AKAP11: variants seen among roughly 807,000 people sequenced by gnomAD.
AKAP11 encodes the protein A-kinase anchoring protein 11.
A neutral mutation model predicts 146.1 loss-of-function variants in AKAP11; 36 were observed. That is an observed-to-expected ratio of 0.25 (90% CI 0.19 to 0.33). The LOEUF is 0.33. AKAP11 is among the 10% of genes least tolerant of loss of function. The probability of loss-of-function intolerance (pLI) is 1.00; values close to 1 mark genes in which losing one functional copy is unlikely to be tolerated. For missense variants in AKAP11, 2,201 were observed against 2,197.0 expected, an observed-to-expected ratio of 1.00 and a Z score of -0.04; for synonymous variants, 780 against 786.5, an observed-to-expected ratio of 0.99 and a Z score of 0.14.
At chr13:42,273,557 G>A (rs1032325240) in intron 1 of AKAP11, among the ~76,000 whole-genome samples, 3 of 152,140 alleles carry the variant, frequency 2.0e-5, no homozygotes, top group African/African-American at 7.2e-5. Flanking sequence ...CTGAGCTAGA[G>A]ACTAATGTAT....
At chr13:42,277,888 G>A (rs1958965760) in intron 1 of AKAP11, among the ~76,000 whole-genome samples, 1 of 152,218 alleles carries the variant, frequency 6.6e-6, no homozygotes, top group African/African-American at 2.4e-5. Flanking sequence ...AGTACTTACA[G>A]TCCAGTGCAG....
At position 42,318,960 on chromosome 13, in the gene AKAP11, A is replaced by G. The variant is rs577706742; in HGVS notation, c.5566-128A>G. 5 of 1,149,056 alleles carry G rather than the reference A, an allele frequency of 4.4e-6. No individual in the cohort carries two copies. The African/African-American group carries it at 6.3e-5, about 15-fold the overall frequency. The allele number at this position is 1,149,056 out of a possible 1,614,324, so 71.2% of individuals were successfully genotyped here. On this transcript the variant is annotated intron_variant, in intron 12 of 12. Transcript: ENST00000025301. ...GCGGTTTAGAGGGGAAGACCTTGTT[A>G]TAACTAGGAAACGGTATTTAATTGT...
At chr13:42,295,978 A>G (rs912152818) in intron 5 of AKAP11, among the ~76,000 whole-genome samples, 2 of 152,226 alleles carry the variant, frequency 1.3e-5, no homozygotes, top group African/African-American at 4.8e-5. Flanking sequence ...TTTAAAAGGT[A>G]AGATTTGTAA....
At chr13:42,291,923 A>T (rs1959226717) in intron 3 of AKAP11, among the ~76,000 whole-genome samples, 1 of 152,152 alleles carries the variant, frequency 6.6e-6, no homozygotes, top group Non-Finnish European at 1.5e-5. Context: ...TTGGATTATT[A>T]TCTTATTTTT....
At chr13:42,276,948 G>T (rs1408868879) in intron 1 of AKAP11, among the ~76,000 whole-genome samples, 1 of 152,186 alleles carries the variant, frequency 6.6e-6, no homozygotes, top group African/African-American at 2.4e-5. Flanking sequence ...CATATTTTCT[G>T]TTAGAAATAG....
rs1250159930 is a variant in AKAP11 at position 42,320,972 on chromosome 13, G to C, written c.*1744G>C. The C allele has an allele frequency of 1.3e-5, 2 of 152,294 alleles. No homozygotes were observed. Among genetic ancestry groups the C allele is most frequent in the Non-Finnish European group, 2.9e-5 (2 of 68,014 alleles). The allele number at this position is 152,294 out of a possible 1,614,324, so 9.4% of individuals were successfully genotyped here. ...AAGCCTTAATATAAAGTTTCCTAAA[G>C]TTTCTTCAAGTATTTTTTAAGGTGG... is the stretch of plus-strand genomic sequence containing the variant. On this transcript the variant is annotated 3_prime_UTR_variant, in exon 13 of 13. Coordinates refer to ENST00000025301, the MANE Select transcript of AKAP11 (RefSeq NM_016248.4).
chr13:42,282,402 A>G (rs1397704894), intron 1 of AKAP11, among the ~76,000 whole-genome samples: 1 of 151,626 alleles, frequency 6.6e-6, no homozygotes, highest in Non-Finnish European at 1.5e-5. Context: ...ATTTATTTGA[A>G]TTGATGAACT....
At chr13:42,271,652 A>G (rs1289216824), upstream of AKAP11, among the ~76,000 whole-genome samples, 1 of 152,228 alleles carries the variant, frequency 6.6e-6, no homozygotes, top group Non-Finnish European at 1.5e-5. Flanking sequence ...GAAAAGAGGC[A>G]GAGCCTGAAA....
At position 42,319,619 on chromosome 13, in the gene AKAP11, T is replaced by C. The variant is rs144281800; in HGVS notation, c.*391T>C. 7.8e-3 allele frequency: 1,229 copies of C among 157,448 alleles called. 10 individuals carry two copies. The highest frequency in any genetic ancestry group is 0.034 in the South Asian group (168 of 4,888). 9.8% of individuals were successfully genotyped at this position (157,448 alleles called of 1,614,324 possible). On this transcript the variant is annotated 3_prime_UTR_variant, in exon 13 of 13. Transcript: ENST00000025301. ...TGATAGAGTTATAATTTTGCTCCTT[T>C]GCAAACAAATGGTATCTAATTAATA...
chr13:42,272,381 G>A (rs1215317778), intron 1 of AKAP11, among the ~76,000 whole-genome samples, 153 bp downstream of exon 1: 5 of 152,222 alleles, frequency 3.3e-5, no homozygotes, highest in East Asian at 1.9e-4. Flanking sequence ...CCGCCCGAGA[G>A]CTGCGCCTTC....
Position 42,308,621 on chromosome 13 carries a change from T to G in AKAP11, c.5273+12T>G, listed in dbSNP as rs990806808. 3 of 1,605,014 alleles carry G rather than the reference T, an allele frequency of 1.9e-6. No homozygotes were observed. Among genetic ancestry groups the G allele is most frequent in the Non-Finnish European group, 2.6e-6 (3 of 1,174,070 alleles). On this transcript the variant is annotated intron_variant, in intron 9 of 12. Transcript: ENST00000025301. The stretch of plus-strand genomic sequence containing the variant: ...CATCTAAGTGAAAGGTAACTACACT[T>G]TTGCATATAATTGTGTAGTTTAGGT...
chr13:42,295,839 C>T (rs557313772), intron 5 of AKAP11, 97 bp downstream of exon 5: 104 of 1,076,944 alleles, frequency 9.7e-5, no homozygotes, highest in East Asian at 2.1e-4. Context: ...GGTTGCAAAC[C>T]GCAGACTGAC....
chr13:42,293,355 T>C (rs761598314), intron 4 of AKAP11, among the ~76,000 whole-genome samples: 6 of 152,170 alleles, frequency 3.9e-5, no homozygotes. Flanking sequence ...AGTTGGGGAC[T>C]GTATGTATTC....
intron 1 of AKAP11, among the ~76,000 whole-genome samples, chr13:42,282,886 T>C (rs898021830): frequency 7.2e-5 from 11 of 152,224 alleles, no homozygotes; most frequent in Non-Finnish European, 4.4e-5. Flanking sequence ...CTTAGGACTC[T>C]TGTTTCTTCA....
chr13:42,317,452 G>A (rs78028583), intron 11 of AKAP11, 76 bp from the exon 12 acceptor site: 4 of 1,400,672 alleles, frequency 2.9e-6, no homozygotes, highest in East Asian at 2.4e-5. Context: ...GAAAATATTT[G>A]TATCTACTTG....
At chr13:42,298,953 T>A (rs980563183) in intron 7 of AKAP11, among the ~76,000 whole-genome samples, 156 bp downstream of exon 7, 23 of 152,200 alleles carry the variant, frequency 1.5e-4, no homozygotes, top group African/African-American at 5.5e-4. Flanking sequence ...AAATTCCTTA[T>A]GATTTTTAAG....
chr13:42,310,820 C>G (rs541392715), intron 9 of AKAP11, among the ~76,000 whole-genome samples: 2 of 149,516 alleles, frequency 1.3e-5, no homozygotes, highest in South Asian at 4.3e-4. Context: ...GATTGTGCCA[C>G]TGTACTCCAT....
In AKAP11 at chr13:42,303,386, T is replaced by C. The variant is rs1357465411; in HGVS notation, c.4640T>C (p.Val1547Ala). The C allele has an allele frequency of 1.2e-6, 2 of 1,613,646 alleles. No homozygotes were observed. The highest frequency in any genetic ancestry group is 1.7e-6 in the Non-Finnish European group (2 of 1,180,034). The change falls in exon 8 of 13, where the codon GTA becomes GCA. Residue 1547 changes from valine (V) to alanine (A), a missense_variant. Around this residue, in one of 3 missense-constraint regions of AKAP11, gnomAD observed 1,867 missense variants for 1,833.5 expected, o/e 1.02. Coordinates refer to ENST00000025301, the MANE Select transcript of AKAP11 (RefSeq NM_016248.4). ...GCTGTAGAACAGTATGCCAAAAAAG[T>C]AGTGGATGACACTCTAGAGCTAACT... ...VQAVEQYAKK[V>A]VDDTLELTLG...
intron 1 of AKAP11, among the ~76,000 whole-genome samples, chr13:42,273,239 A>G (rs969564298): frequency 6.6e-6 from 1 of 152,210 alleles, no homozygotes; most frequent in Non-Finnish European, 1.5e-5. Flanking sequence ...AATATGGAGT[A>G]CTAAGAAAAA....
Sources: gnomAD v4.1 joint callset for allele counts (sites outside exome capture counted in the v4.1 genomes callset) on GRCh38, gnomAD v4.1.1 for gene constraint, gnomAD v4.1.1 regional missense constraint, MANE v1.5 for transcripts, NCBI Gene and HGNC (gene_info 2026-07-23, HGNC 2026-07-21) for gene names.